The following FBN2 variants were observed in gnomAD, a reference collection of about 807,000 sequenced individuals.
The protein encoded by FBN2 is fibrillin-2.
Under a neutral mutation model 355.6 loss-of-function variants are expected in FBN2, and 105 were observed. The ratio of observed to expected loss-of-function variants is 0.30; its 90% CI spans 0.25 to 0.35. The LOEUF (loss-of-function observed/expected upper bound fraction) is 0.35. Ranked by LOEUF, FBN2 falls within the 10% of genes least tolerant of loss-of-function variation. The pLI is 1.00. For missense variants in FBN2, 3,280 were observed against 3,758.7 expected, an observed-to-expected ratio of 0.87 and a Z score of 3.33; for synonymous variants, 1,350 against 1,301.2, an observed-to-expected ratio of 1.04 and a Z score of -0.81.
chr5:128,382,915 G>A (rs997440813), intron 11 of FBN2, among the ~76,000 whole-genome samples: 2 of 151,846 alleles, frequency 1.3e-5, no homozygotes, highest in Non-Finnish European at 2.9e-5. Flanking sequence ...AGAAAATAGG[G>A]GACACTTCTG....
intron 42 of FBN2, among the ~76,000 whole-genome samples, chr5:128,306,618 A>G (rs982811960): frequency 7.2e-5 from 11 of 151,948 alleles, no homozygotes; most frequent in African/African-American, 2.7e-4. Context: ...GCAAAACTCC[A>G]TCTCAAAAAA....
chr5:128,328,449 A>C, intron 34 of FBN2: 1 of 610,360 alleles, frequency 1.6e-6, no homozygotes, highest in South Asian at 2.0e-5. Flanking sequence ...AGAAATGGTT[A>C]AAAAAGAAAA....
chr5:128,495,022 T>G (rs1391088190), intron 5 of FBN2, among the ~76,000 whole-genome samples: 1 of 151,952 alleles, frequency 6.6e-6, no homozygotes, highest in African/African-American at 2.4e-5. Context: ...TCCCAAAACC[T>G]AAAGGAAGCC....
At chr5:128,450,143 C>A (rs1482656347) in intron 6 of FBN2, among the ~76,000 whole-genome samples, 1 of 152,018 alleles carries the variant, frequency 6.6e-6, no homozygotes, top group African/African-American at 2.4e-5. Context: ...TGAAAATCAT[C>A]AGGGATATAT....
intron 5 of FBN2, among the ~76,000 whole-genome samples, chr5:128,516,232 A>C (rs922565072): frequency 2.0e-5 from 3 of 152,150 alleles, no homozygotes; most frequent in Non-Finnish European, 1.5e-5. Context: ...GTTTAATCTC[A>C]AGTGTATATT....
In FBN2 at chr5:128,310,392, ATATATATATATTTTTTTT is replaced by A. The variant is rs1192705196; in HGVS notation, c.5075-302_5075-285del. On this transcript the variant is annotated intron_variant, in intron 39 of 64. Coordinates refer to ENST00000262464, the MANE Select transcript of FBN2 (RefSeq NM_001999.4). ...TATATATATATATATATATATATAT[ATATATATATATTTTTTTT>A]TTTTTTTTTTTATTGCAATTCGCAT... Among the ~76,000 whole-genome samples, 295 of 29,782 alleles carry A rather than the reference ATATATATATATTTTTTTT, an allele frequency of 9.9e-3. 1 individual carries two copies. Among genetic ancestry groups the A allele is most frequent in the Middle Eastern group, 0.048 (2 of 42 alleles). 19.5% of individuals were successfully genotyped at this position (29,782 alleles called of 152,430 possible). A position where few individuals can be genotyped will look rare whatever the true frequency, so the allele number is the denominator to read the frequency against.
chr5:128,263,676 A>C lies in FBN2; in HGVS notation c.7961-20T>G, dbSNP rs757727779. The C allele has an allele frequency of 6.3e-7, 1 of 1,592,038 alleles. No individual in the cohort carries two copies. Among genetic ancestry groups the C allele is most frequent in the Non-Finnish European group, 8.6e-7 (1 of 1,161,310 alleles). Reference sequence around the variant, plus strand: ...TCTCATCTAGTGAAACGAAGAAAGAAACTCTTACACGGGGAAGCAGGCAAG... The same window carrying C: ...TCTCATCTAGTGAAACGAAGAAAGACACTCTTACACGGGGAAGCAGGCAAG... On this transcript the variant is annotated intron_variant, in intron 62 of 64. Coordinates refer to ENST00000262464, the MANE Select transcript of FBN2 (RefSeq NM_001999.4).
At chr5:128,485,722 T>C (rs1307531956) in intron 5 of FBN2, among the ~76,000 whole-genome samples, 1 of 152,130 alleles carries the variant, frequency 6.6e-6, no homozygotes, top group Non-Finnish European at 1.5e-5. Context: ...TTGAAAAGAA[T>C]ATAGGGATTT....
chr5:128,535,741 T>G (rs546830433), intron 2 of FBN2, among the ~76,000 whole-genome samples: 23 of 151,894 alleles, frequency 1.5e-4, no homozygotes, highest in African/African-American at 5.3e-4. Context: ...GGTCTAAGAT[T>G]CATACTTTGG....
At chr5:128,286,679 G>A in intron 55 of FBN2, 39 bp downstream of exon 55, 4 of 1,612,546 alleles carry the variant, frequency 2.5e-6, no homozygotes, top group Non-Finnish European at 3.4e-6. Context: ...GCTGGGAGTG[G>A]AGGCATTACA....
rs1755717114 is a variant in FBN2, at chr5:128,498,575, T to TTAA, written c.628+20697_628+20698insTTA. Among the ~76,000 whole-genome samples, 3 of 152,332 alleles carry TTAA rather than the reference T, an allele frequency of 2.0e-5. No homozygotes were observed. In the East Asian group the frequency reaches 5.8e-4, roughly 29 times the overall value. On this transcript the variant is annotated intron_variant, in intron 5 of 64. Coordinates refer to ENST00000262464, the MANE Select transcript of FBN2 (RefSeq NM_001999.4). ...CTCCTTCACAAATTATTTATATTTT[T>TTAA]ACAAGAGAGAGCTCAAGTTCCTCTG...
rs1750913466 is a variant in FBN2 at position 128,338,808 on chromosome 5, C to G, written c.3472+125G>C. On this transcript the variant is annotated intron_variant, in intron 26 of 64. Transcript: ENST00000262464. ...CCTGTCTGACATTTAAATCTCTTCTCTCTCTCACCACAGATGCTGGCCACA... is the reference window on the plus strand; with the variant it reads ...CCTGTCTGACATTTAAATCTCTTCTGTCTCTCACCACAGATGCTGGCCACA... 11 of 1,121,520 alleles carry G rather than the reference C, an allele frequency of 9.8e-6. No individual in the cohort carries two copies. In the South Asian group the frequency reaches 1.4e-4, roughly 14 times the overall value. 69.5% of individuals were successfully genotyped at this position (1,121,520 alleles called of 1,614,324 possible).
chr5:128,389,653 G>T (rs1752460072), intron 11 of FBN2, among the ~76,000 whole-genome samples: 2 of 152,192 alleles, frequency 1.3e-5, no homozygotes, highest in Admixed American at 1.3e-4. Context: ...GCACAGGCTG[G>T]AGTCCTGTCC....
At chr5:128,358,996 A>C (rs1751572006) in intron 19 of FBN2, among the ~76,000 whole-genome samples, 1 of 152,034 alleles carries the variant, frequency 6.6e-6, no homozygotes, top group Admixed American at 6.6e-5. Context: ...TTCACTGTAC[A>C]TTCCTGGAAA....
At chr5:128,309,815 C>T (rs751208788) in intron 40 of FBN2, among the ~76,000 whole-genome samples, 168 bp downstream of exon 40, 7 of 151,998 alleles carry the variant, frequency 4.6e-5, no homozygotes, top group African/African-American at 7.3e-5. Context: ...TAAATGTATA[C>T]CCAAAGGTCA....
At chr5:128,441,046 A>C (rs1449723182) in intron 7 of FBN2, among the ~76,000 whole-genome samples, 4 of 152,300 alleles carry the variant, frequency 2.6e-5, no homozygotes, top group African/African-American at 9.6e-5. Context: ...TGACGATACA[A>C]ATAAAAAGTT....
intron 20 of FBN2, among the ~76,000 whole-genome samples, chr5:128,355,836 T>C (rs933065367): frequency 6.6e-6 from 1 of 152,000 alleles, no homozygotes; most frequent in Non-Finnish European, 1.5e-5. Context: ...CTGAGAAAAA[T>C]ATGGTGGTGG....
chr5:128,338,178 C>T (rs1261255033), intron 26 of FBN2, 56 bp from the exon 27 acceptor site: 1 of 1,550,108 alleles, frequency 6.5e-7, no homozygotes, highest in Non-Finnish European at 8.9e-7. Flanking sequence ...AATATTCACA[C>T]ATACAGCGTG....
rs1749304284 is a variant in FBN2, at chr5:128,290,889, T to C, written c.6293-5A>G. 2 of 1,613,310 alleles carry C rather than the reference T, an allele frequency of 1.2e-6. No homozygotes were observed. Among genetic ancestry groups the C allele is most frequent in the African/African-American group, 2.7e-5 (2 of 74,898 alleles). ...AGCAGAAGCTCTGGCGAGTATCTAA[T>C]CAAAAAAGCAAACATTACAGATGGA... On this transcript the variant is annotated splice_polypyrimidine_tract_variant and splice_region_variant and intron_variant, in intron 49 of 64. Coordinates refer to ENST00000262464, the MANE Select transcript of FBN2 (RefSeq NM_001999.4).
Sources: gnomAD v4.1 joint callset for allele counts (sites outside exome capture counted in the v4.1 genomes callset) on GRCh38, gnomAD v4.1.1 for gene constraint, MANE v1.5 for transcripts, NCBI Gene and HGNC (gene_info 2026-07-23, HGNC 2026-07-21) for gene names.